FAM216A: variants seen among roughly 807,000 people sequenced by gnomAD.
FAM216A encodes the protein family with sequence similarity 216 member A, also known as protein FAM216A.
FAM216A carries 26 observed loss-of-function variants against 37.6 expected under a neutral mutation model. The observed-to-expected ratio is 0.69, with a 90% CI of 0.51 to 0.96. FAM216A has a LOEUF of 0.96. FAM216A is among the 40% of genes least tolerant of loss of function. The pLI is 0.00. For synonymous variants in FAM216A, 110 were observed against 121.7 expected (o/e 0.90, Z 0.64); for missense variants, 326 against 339.3 (o/e 0.96, Z 0.31).
At chr12:110,489,914 A>C in intron 6 of FAM216A, 105 bp from the exon 7 acceptor site, 1 of 617,798 alleles carries the variant, frequency 1.6e-6, no homozygotes, top group African/African-American at 1.8e-5. Context: ...ATTGCAGGCA[A>C]TTTGTCTTTA....
At chr12:110,482,700 CAGG>C (rs927760865) in intron 2 of FAM216A, among the ~76,000 whole-genome samples, 4 of 150,268 alleles carry the variant, frequency 2.7e-5, no homozygotes, top group Non-Finnish European at 4.4e-5. Context: ...GAGGCTGAGG[CAGG>C]AGAATGGCAT....
chr12:110,474,387 GTT>G (rs2062703945), intron 2 of FAM216A, among the ~76,000 whole-genome samples: 1 of 151,952 alleles, frequency 6.6e-6, no homozygotes, highest in African/African-American at 2.4e-5. Context: ...ATGTCAAAGT[GTT>G]TTAAAATAAT....
chr12:110,473,691 GCA>G (rs1375967061), intron 2 of FAM216A, among the ~76,000 whole-genome samples: 1 of 152,182 alleles, frequency 6.6e-6, no homozygotes, highest in Non-Finnish European at 1.5e-5. Flanking sequence ...TGGTTGAAAA[GCA>G]CAGAGCACAG....
intron 2 of FAM216A, among the ~76,000 whole-genome samples, chr12:110,482,341 G>A (rs1043485072): frequency 2.0e-5 from 3 of 151,940 alleles, no homozygotes; most frequent in African/African-American, 4.8e-5. Context: ...GCCTCCCAAA[G>A]TGCTGGGATT....
rs190936682 is a variant in FAM216A at position 110,478,058 on chromosome 12, T to C, written c.184+4940T>C. On this transcript the variant is annotated intron_variant, in intron 2 of 6. Coordinates refer to ENST00000377673, the MANE Select transcript of FAM216A (RefSeq NM_013300.3). Reference sequence around the variant, plus strand: ...TGATTCTACATTTTTCAGATGGCTTTCTAATGAAGAGCTTCCCTTTCTCTA... The same window carrying C: ...TGATTCTACATTTTTCAGATGGCTTCCTAATGAAGAGCTTCCCTTTCTCTA... Among the ~76,000 whole-genome samples the C allele has an allele frequency of 2.0e-5, 3 of 152,334 alleles. No individual in the cohort carries two copies. In the East Asian group the frequency reaches 5.8e-4, roughly 29 times the overall value.
Position 110,486,739 on chromosome 12 carries a change from G to T in FAM216A, c.620+22G>T. On this transcript the variant is annotated intron_variant, in intron 5 of 6. Coordinates refer to ENST00000377673, the MANE Select transcript of FAM216A (RefSeq NM_013300.3). The stretch of plus-strand genomic sequence containing the variant: ...AAGGGTCTGTTTCTTAGTGTAAAAG[G>T]GGGGAAATGCATCTCAGTTTAATTT... 3.2e-6 allele frequency: 5 copies of T among 1,586,638 alleles called. No homozygotes were observed. In the East Asian group the frequency reaches 1.1e-4, roughly 35 times the overall value.
At chr12:110,482,794 C>CA (rs547165958) in intron 2 of FAM216A, among the ~76,000 whole-genome samples, 4,843 of 93,728 alleles carry the variant, frequency 0.052, 167 homozygotes, top group African/African-American at 0.14. Flanking sequence ...GACTCCATCT[C>CA]AAAAAAAAAA....
intron 6 of FAM216A, 36 bp downstream of exon 6, chr12:110,487,979 G>T (rs2062786394): frequency 1.6e-6 from 2 of 1,216,258 alleles, no homozygotes; most frequent in Non-Finnish European, 1.2e-6. Flanking sequence ...CATTTTTTAA[G>T]ATCTTATGCT....
intron 2 of FAM216A, among the ~76,000 whole-genome samples, chr12:110,480,305 G>A (rs1015218341): frequency 1.4e-5 from 2 of 141,420 alleles, no homozygotes; most frequent in South Asian, 2.3e-4. Flanking sequence ...CCGGGTTCAC[G>A]CCATTCTCCT....
At chr12:110,485,349 T>A in intron 3 of FAM216A, 150 bp downstream of exon 3, 1 of 591,360 alleles carries the variant, frequency 1.7e-6, no homozygotes, top group Non-Finnish European at 2.9e-6. Flanking sequence ...TATCTTTGAG[T>A]AAACTCATGA....
rs556551167 is a variant in FAM216A at position 110,470,492 on chromosome 12, T to A, written c.143+1474T>A. 5.4e-3 allele frequency among the ~76,000 whole-genome samples: 792 copies of A among 147,106 alleles called. 11 individuals are homozygous for A. Among genetic ancestry groups the A allele is most frequent in the African/African-American group, 0.019 (746 of 38,582 alleles). ...ATACGTGAATTTTTTTTTTTTTTTTTATTGAGACAGAGTCTCCCTCTGTCA... is the reference window on the plus strand; with the variant it reads ...ATACGTGAATTTTTTTTTTTTTTTTAATTGAGACAGAGTCTCCCTCTGTCA... On this transcript the variant is annotated intron_variant, in intron 1 of 6. Coordinates refer to ENST00000377673, the MANE Select transcript of FAM216A (RefSeq NM_013300.3).
chr12:110,469,115 CCT>C, intron 1 of FAM216A, 97 bp downstream of exon 1: 1 of 1,291,288 alleles, frequency 7.7e-7, no homozygotes, highest in Non-Finnish European at 1.0e-6. Flanking sequence ...CTGCGGCCGA[CCT>C]CTCGTCTCGG....
chr12:110,468,513 G>A (rs1565847589), upstream of FAM216A: 1 of 1,537,268 alleles, frequency 6.5e-7, no homozygotes. Flanking sequence ...GCATCCTTGC[G>A]CCACGTGCTT....
Position 110,485,091 on chromosome 12 carries a change from T to C in FAM216A, c.198T>C (p.Asp66=), listed in dbSNP as rs1161736985. Residue 66 remains aspartate (D), a synonymous_variant, in exon 3 of 7, where the codon GAT becomes GAC. Transcript: ENST00000377673. ...QNSKGSDRIK[D]GYKVNSHIAK... ...CTTTGCCTACAGATAGAATCAAAGA[T>C]GGATACAAAGTGAACTCACACATAG... is the stretch of plus-strand genomic sequence containing the variant. The C allele has an allele frequency of 1.9e-6, 3 of 1,609,066 alleles. No homozygotes were observed. Among genetic ancestry groups the C allele is most frequent in the Non-Finnish European group, 2.5e-6 (3 of 1,178,840 alleles).
At chr12:110,474,568 C>T (rs2062704815) in intron 2 of FAM216A, among the ~76,000 whole-genome samples, 1 of 149,572 alleles carries the variant, frequency 6.7e-6, no homozygotes, top group African/African-American at 2.5e-5. Context: ...GGTGCACGTC[C>T]GTAGTCCCAG....
At position 110,487,873 on chromosome 12, in the gene FAM216A, A is replaced by G. The variant is rs774456345; in HGVS notation, c.633A>G (p.Gly211=). 21 of 1,596,436 alleles carry G rather than the reference A, an allele frequency of 1.3e-5. No homozygotes were observed. The South Asian group carries it at 2.2e-4, about 17-fold the overall frequency. ...CCCTTTCTTATAGGATAAAAACTGG[A>G]TATGCATCTAAAACAAGATGTAAGT... ...PVRNKEGIKT[G]YASKTRCKSL... is the part of the protein sequence containing the mutation. Residue 211 remains glycine (G), a synonymous_variant, in exon 6 of 7, where the codon GGA becomes GGG. Coordinates refer to ENST00000377673, the MANE Select transcript of FAM216A (RefSeq NM_013300.3).
chr12:110,489,480 CAAA>C (rs11397208), intron 6 of FAM216A, among the ~76,000 whole-genome samples: 1 of 114,460 alleles, frequency 8.7e-6, no homozygotes, highest in African/African-American at 3.0e-5. Context: ...CTCTAGTCTC[CAAA>C]AAAAAAAAAA....
chr12:110,468,433 T>C (rs1177267566), upstream of FAM216A: 2 of 1,534,852 alleles, frequency 1.3e-6, no homozygotes, highest in Non-Finnish European at 1.7e-6. Context: ...AAGTAGTTGA[T>C]GGAAATCGGC....
intron 3 of FAM216A, 113 bp downstream of exon 3, chr12:110,485,312 C>A: frequency 3.5e-6 from 3 of 848,238 alleles, no homozygotes; most frequent in Non-Finnish European, 3.7e-6. Context: ...AAGGCATATG[C>A]AGTATAATTG....
Sources: allele counts gnomAD v4.1 joint callset (sites outside exome capture counted in the v4.1 genomes callset), GRCh38; gene constraint gnomAD v4.1.1; transcripts MANE v1.5; gene names NCBI Gene and HGNC (gene_info 2026-07-23, HGNC 2026-07-21).